The following MFAP1 variants were observed in gnomAD, a reference collection of about 807,000 sequenced individuals.
The protein encoded by MFAP1 is microfibrillar-associated protein 1.
Under a neutral mutation model 62.2 loss-of-function variants are expected in MFAP1, and 18 were observed. That is an observed-to-expected ratio of 0.29 (90% CI 0.20 to 0.43). The LOEUF is 0.43. Among genes scored for constraint, MFAP1 ranks in the 20% least tolerant of loss-of-function variants. MFAP1 has a pLI of 1.00. For synonymous variants in MFAP1, 175 were observed against 180.4 expected (o/e 0.97, Z 0.24); for missense variants, 355 against 559.7 (o/e 0.63, Z 3.69).
intron 6 of MFAP1, among the ~76,000 whole-genome samples, chr15:43,812,552 TTTCCAGCCCAGTCAACC>T (rs2087408496): frequency 6.6e-6 from 1 of 152,188 alleles, no homozygotes; most frequent in Non-Finnish European, 1.5e-5. Context: ...CCCTTTTAAG[TTTCCAGCCCAGTCAACC>T]TTCCAGCTGG....
intron 7 of MFAP1, among the ~76,000 whole-genome samples, chr15:43,809,482 ACT>A (rs1405904163): frequency 1.3e-5 from 2 of 150,320 alleles, no homozygotes; most frequent in African/African-American, 2.5e-5. Flanking sequence ...TGACAGCGAG[ACT>A]CTGTCTCTTA....
chr15:43,814,752 AAC>A, intron 3 of MFAP1, 64 bp from the exon 4 acceptor site: 1 of 1,554,034 alleles, frequency 6.4e-7, no homozygotes, highest in Non-Finnish European at 8.7e-7. Flanking sequence ...CGTCTCATCA[AAC>A]ACAACAAATT....
intron 7 of MFAP1, among the ~76,000 whole-genome samples, chr15:43,805,738 G>C (rs1389841932): frequency 6.6e-6 from 1 of 151,372 alleles, no homozygotes; most frequent in East Asian, 1.9e-4. Context: ...TCAGCCTCCC[G>C]AGTAGCTGAG....
chr15:43,824,188 CAT>C (rs1409368211), intron 1 of MFAP1, among the ~76,000 whole-genome samples: 1 of 150,756 alleles, frequency 6.6e-6, no homozygotes, highest in African/African-American at 2.4e-5. Context: ...ATATATTAGA[CAT>C]ATATATTCTG....
At position 43,823,215 on chromosome 15, in the gene MFAP1, G is replaced by A. The variant is rs1031017960; in HGVS notation, c.79+1276C>T. Among the ~76,000 whole-genome samples the A allele has an allele frequency of 2.0e-5, 3 of 150,324 alleles. No homozygotes were observed. The South Asian group carries it at 6.3e-4, about 32-fold the overall frequency. Reference sequence around the variant, plus strand: ...TGCCCAAGCTGGTCTTGAACTCCTGGCCTCAAGCGATCCTCCTGCCTCAGC... The same window carrying A: ...TGCCCAAGCTGGTCTTGAACTCCTGACCTCAAGCGATCCTCCTGCCTCAGC... On this transcript the variant is annotated intron_variant, in intron 1 of 8. Coordinates refer to ENST00000267812, the MANE Select transcript of MFAP1 (RefSeq NM_005926.3).
intron 2 of MFAP1, 143 bp downstream of exon 2, chr15:43,817,086 G>C: frequency 1.2e-6 from 1 of 839,150 alleles, no homozygotes; most frequent in Non-Finnish European, 1.8e-6. Context: ...GGGGATAATA[G>C]CACCTATTTC....
intron 7 of MFAP1, among the ~76,000 whole-genome samples, chr15:43,809,305 T>C (rs1259498515): frequency 6.8e-6 from 1 of 146,712 alleles, no homozygotes; most frequent in Non-Finnish European, 1.5e-5. Flanking sequence ...TAGTGAAACC[T>C]GGTCTTTACG....
chr15:43,817,558 CAGA>C (rs775590847), intron 1 of MFAP1, 110 bp from the exon 2 acceptor site: 45 of 1,087,898 alleles, frequency 4.1e-5, no homozygotes, highest in East Asian at 4.9e-5. Flanking sequence ...AGAGTCTAAG[CAGA>C]AGAAGAAGAG....
At chr15:43,823,117 G>A (rs1028109291) in intron 1 of MFAP1, among the ~76,000 whole-genome samples, 3 of 151,092 alleles carry the variant, frequency 2.0e-5, no homozygotes, top group Admixed American at 6.6e-5. Context: ...GATTACAGGC[G>A]TGAGCCACCG....
At chr15:43,821,665 C>G (rs1179962691) in intron 1 of MFAP1, among the ~76,000 whole-genome samples, 4 of 152,104 alleles carry the variant, frequency 2.6e-5, no homozygotes, top group Non-Finnish European at 5.9e-5. Context: ...ACCACAGACA[C>G]AAAAATTCCA....
At position 43,809,746 on chromosome 15, in the gene MFAP1, A is replaced by G. The variant is rs763470693; in HGVS notation, c.1047+9T>C. On this transcript the variant is annotated intron_variant, in intron 7 of 8. Coordinates refer to ENST00000267812, the MANE Select transcript of MFAP1 (RefSeq NM_005926.3). ...TGCCCAATTTTCTGACTCTCTTTTC[A>G]CTTCTTACCATGAAGAAGGCACCCC... 6.2e-7 allele frequency: 1 copy of G among 1,611,618 alleles called. No homozygotes were observed. The highest frequency in any genetic ancestry group is 2.2e-5 in the East Asian group (1 of 44,860).
Position 43,804,809 on chromosome 15 carries a change from G to A in MFAP1, c.*285C>T, listed in dbSNP as rs1450506648. On this transcript the variant is annotated 3_prime_UTR_variant, in exon 9 of 9. Transcript: ENST00000267812. ...AAAAAGAAAGTCAGAACAGTCCCAA[G>A]TAAATATGGGAAACCATAGCAGTGA... 1.0e-5 allele frequency: 3 copies of A among 294,016 alleles called. No individual in the cohort carries two copies. Among genetic ancestry groups the A allele is most frequent in the African/African-American group, 4.3e-5 (2 of 46,330 alleles). 18.2% of individuals were successfully genotyped at this position (294,016 alleles called of 1,614,324 possible).
intron 7 of MFAP1, among the ~76,000 whole-genome samples, chr15:43,807,407 G>T (rs1333023423): frequency 1.3e-5 from 2 of 149,780 alleles, no homozygotes; most frequent in African/African-American, 4.9e-5. Context: ...AGAGTGCAGT[G>T]GCGTGATCTC....
chr15:43,812,825 T>A (rs2087410160), intron 6 of MFAP1, among the ~76,000 whole-genome samples, 162 bp downstream of exon 6: 1 of 152,182 alleles, frequency 6.6e-6, no homozygotes. Context: ...GATTTCACTG[T>A]AGCAAGTGAA....
At chr15:43,808,272 C>A (rs1481767481) in intron 7 of MFAP1, among the ~76,000 whole-genome samples, 1 of 152,226 alleles carries the variant, frequency 6.6e-6, no homozygotes, top group Non-Finnish European at 1.5e-5. Context: ...GTGGCACGAT[C>A]ACGGCTGACT....
chr15:43,822,180 A>G (rs75440608), intron 1 of MFAP1, among the ~76,000 whole-genome samples: 2 of 150,110 alleles, frequency 1.3e-5, no homozygotes, highest in South Asian at 2.1e-4. Flanking sequence ...AGCTTGGTCA[A>G]CAAGAGTGAA....
chr15:43,808,737 G>A (rs545950591), intron 7 of MFAP1, among the ~76,000 whole-genome samples: 1 of 152,348 alleles, frequency 6.6e-6, no homozygotes, highest in South Asian at 2.1e-4. Flanking sequence ...TGGCAGGGAA[G>A]CCGCCACTGA....
intron 4 of MFAP1, among the ~76,000 whole-genome samples, chr15:43,813,568 T>C (rs1248003515): frequency 1.4e-5 from 2 of 139,140 alleles, no homozygotes; most frequent in African/African-American, 2.7e-5. Context: ...TGCAGTGCAG[T>C]GGTGTGATCT....
chr15:43,809,607 TA>T lies in MFAP1; in HGVS notation c.1047+147del, dbSNP rs2087386727. Reference sequence around the variant, plus strand: ...AATTGCTGATGCTTTTCTCTGAGTTTATATTGTTCAGAAGGAAAAAGCAAAT... The same window carrying T: ...AATTGCTGATGCTTTTCTCTGAGTTTTATTGTTCAGAAGGAAAAAGCAAAT... On this transcript the variant is annotated intron_variant, in intron 7 of 8. Coordinates refer to ENST00000267812, the MANE Select transcript of MFAP1 (RefSeq NM_005926.3). 3.3e-6 allele frequency: 3 copies of T among 911,670 alleles called. No homozygotes were observed. The South Asian group carries it at 5.4e-5, about 17-fold the overall frequency. 56.5% of individuals were successfully genotyped at this position (911,670 alleles called of 1,614,324 possible). A position where few individuals can be genotyped will look rare whatever the true frequency, so the allele number is the denominator to read the frequency against.
Sources: gnomAD v4.1 joint callset for allele counts (sites outside exome capture counted in the v4.1 genomes callset) on GRCh38, gnomAD v4.1.1 for gene constraint, MANE v1.5 for transcripts, NCBI Gene and HGNC (gene_info 2026-07-23, HGNC 2026-07-21) for gene names.